Variants in MAVS observed in about 807,000 individuals in gnomAD.
MAVS encodes mitochondrial antiviral-signaling protein.
MAVS carries 20 observed loss-of-function variants against 30.2 expected under a neutral mutation model. The observed-to-expected ratio is 0.66, with a 90% CI of 0.47 to 0.96. MAVS has a LOEUF of 0.96. MAVS is among the 40% of genes least tolerant of loss of function. The pLI is 0.00. For missense variants in MAVS, 624 were observed against 701.1 expected (o/e 0.89, Z 1.24); for synonymous variants, 278 against 293.9 (o/e 0.95, Z 0.55).
intron 3 of MAVS, among the ~76,000 whole-genome samples, chr20:3,860,576 T>A (rs1402278031): frequency 2.0e-5 from 3 of 151,598 alleles, no homozygotes; most frequent in African/African-American, 7.3e-5. Flanking sequence ...GGTTTCTCCA[T>A]GTTGGTCAGG....
chr20:3,848,547 C>T (rs1015805917), intron 1 of MAVS, among the ~76,000 whole-genome samples: 4 of 152,214 alleles, frequency 2.6e-5, no homozygotes, highest in Admixed American at 2.6e-4. Context: ...GCTGGCAAAG[C>T]AACTCATGCA....
intron 3 of MAVS, among the ~76,000 whole-genome samples, chr20:3,860,675 T>G: frequency 6.6e-6 from 1 of 150,428 alleles, no homozygotes. Flanking sequence ...ACGTCTGGCT[T>G]CTTTTTCTTT....
rs2089921613 is a variant in MAVS, at chr20:3,867,942, G to A, written c.*1795G>A. ...GCACAGGAGCCACCTCCATTTCTGA[G>A]CTCTGCAAGGGACAAGAACTAGAGC... On this transcript the variant is annotated 3_prime_UTR_variant, in exon 7 of 7. Transcript: ENST00000428216. 1 of 152,312 alleles carries A rather than the reference G, an allele frequency of 6.6e-6. No individual in the cohort carries two copies. Among genetic ancestry groups the A allele is most frequent in the Non-Finnish European group, 1.5e-5 (1 of 68,096 alleles). 9.4% of individuals were successfully genotyped at this position (152,312 alleles called of 1,614,324 possible). A position where few individuals can be genotyped will look rare whatever the true frequency, so the allele number is the denominator to read the frequency against.
intron 1 of MAVS, among the ~76,000 whole-genome samples, chr20:3,849,151 G>C (rs573442822): frequency 9.3e-5 from 14 of 151,242 alleles, no homozygotes; most frequent in African/African-American, 3.4e-4. Context: ...CTACATGAGT[G>C]GCCCCTGCCA....
intron 3 of MAVS, among the ~76,000 whole-genome samples, chr20:3,859,068 G>A (rs1270987766): frequency 6.6e-6 from 1 of 152,050 alleles, no homozygotes; most frequent in Admixed American, 6.6e-5. Flanking sequence ...GGGATCATAG[G>A]TGTGAGCCAC....
rs143841592 is a variant in MAVS at position 3,869,178 on chromosome 20, CT to C, written c.*3043del. 951 of 143,280 alleles carry C rather than the reference CT, an allele frequency of 6.6e-3. 12 individuals are homozygous for C. The highest frequency in any genetic ancestry group is 0.026 in the East Asian group (130 of 4,906). 8.9% of individuals were successfully genotyped at this position (143,280 alleles called of 1,614,324 possible). ...TGCCTGGCTAATTAAATTTTTTTTT[CT>C]TTTTTTTTTTTGAGATGGAGTCTTG... On this transcript the variant is annotated 3_prime_UTR_variant, in exon 7 of 7. Coordinates refer to ENST00000428216, the MANE Select transcript of MAVS (RefSeq NM_020746.5).
chr20:3,847,020 CGGG>C (rs1744871673), intron 1 of MAVS, 117 bp downstream of exon 1: 1 of 152,448 alleles, frequency 6.6e-6, no homozygotes, highest in Non-Finnish European at 1.5e-5. Context: ...CTGGGGTGCG[CGGG>C]GGGCCCAGGA....
intron 1 of MAVS, among the ~76,000 whole-genome samples, chr20:3,851,503 CAAAAA>C (rs57620434): frequency 7.3e-5 from 7 of 95,614 alleles, no homozygotes; most frequent in East Asian, 2.9e-4. Flanking sequence ...GACTCTGTCT[CAAAAA>C]AAAAAAAAAA....
intron 5 of MAVS, among the ~76,000 whole-genome samples, chr20:3,863,094 G>A (rs1015228748): frequency 6.6e-6 from 1 of 152,202 alleles, no homozygotes; most frequent in African/African-American, 2.4e-5. Context: ...GGACAGTGAA[G>A]GGCTGCATCA....
chr20:3,858,259 AC>A, intron 3 of MAVS, among the ~76,000 whole-genome samples: 1 of 150,278 alleles, frequency 6.7e-6, no homozygotes, highest in East Asian at 2.0e-4. Context: ...CCCCTGGTTT[AC>A]CCTGAGAGCC....
chr20:3,854,855 T>A, intron 2 of MAVS, 114 bp downstream of exon 2: 1 of 616,744 alleles, frequency 1.6e-6, no homozygotes, highest in Non-Finnish European at 2.8e-6. Context: ...TCCTTCTTCC[T>A]CTTGCTGTGT....
At position 3,866,790 on chromosome 20, in the gene MAVS, A is replaced by G. The variant is rs1318986790; in HGVS notation, c.*643A>G. The G allele has an allele frequency of 2.4e-6, 1 of 418,552 alleles. No individual in the cohort carries two copies. Among genetic ancestry groups the G allele is most frequent in the Non-Finnish European group, 4.8e-6 (1 of 207,880 alleles). The allele number at this position is 418,552 out of a possible 1,614,324, so 25.9% of individuals were successfully genotyped here. A position where few individuals can be genotyped will look rare whatever the true frequency, so the allele number is the denominator to read the frequency against. ...CCAGGGGCAGCTGTCAGGCCTGAGG[A>G]AGACCTGTGGAGCTCCTCTCCAGCC... On this transcript the variant is annotated 3_prime_UTR_variant, in exon 7 of 7. Transcript: ENST00000428216.
At chr20:3,862,036 AC>A (rs1170200252) in intron 4 of MAVS, among the ~76,000 whole-genome samples, 1 of 152,176 alleles carries the variant, frequency 6.6e-6, no homozygotes, top group Non-Finnish European at 1.5e-5. Flanking sequence ...GGCGTGAGCC[AC>A]CGCACCTGGC....
At position 3,874,402 on chromosome 20, in the gene MAVS, G is replaced by A. The variant is rs983156753; in HGVS notation, c.*8255G>A. 3 of 395,256 alleles carry A rather than the reference G, an allele frequency of 7.6e-6. No individual in the cohort carries two copies. Among genetic ancestry groups the A allele is most frequent in the Non-Finnish European group, 1.3e-5 (3 of 224,450 alleles). The allele number at this position is 395,256 out of a possible 1,614,324, so 24.5% of individuals were successfully genotyped here. A position where few individuals can be genotyped will look rare whatever the true frequency, so the allele number is the denominator to read the frequency against. ...GGAAATAAAAACCACCTAAACAAGAGCAGAGAGGCCATTTGGTCAAAGTTT... is the reference window on the plus strand; with the variant it reads ...GGAAATAAAAACCACCTAAACAAGAACAGAGAGGCCATTTGGTCAAAGTTT... On this transcript the variant is annotated 3_prime_UTR_variant, in exon 7 of 7. Transcript: ENST00000428216.
chr20:3,853,066 C>G (rs1227063209), intron 1 of MAVS, among the ~76,000 whole-genome samples: 1 of 150,648 alleles, frequency 6.6e-6, no homozygotes, highest in Non-Finnish European at 1.5e-5. Flanking sequence ...GTATTGAACT[C>G]CTGACCTCGT....
At chr20:3,862,101 C>G (rs576521304) in intron 4 of MAVS, among the ~76,000 whole-genome samples, 153 bp from the exon 5 acceptor site, 1 of 152,262 alleles carries the variant, frequency 6.6e-6, no homozygotes, top group East Asian at 1.9e-4. Context: ...GACAGAGGGT[C>G]TGGGAATTAC....
At chr20:3,853,505 T>G (rs1189624337) in intron 1 of MAVS, among the ~76,000 whole-genome samples, 12 of 149,730 alleles carry the variant, frequency 8.0e-5, no homozygotes, top group African/African-American at 2.9e-4. Flanking sequence ...AAAAAGAAAT[T>G]AAAGGTGGCT....
Position 3,875,513 on chromosome 20 carries a change from C to T in MAVS, c.*9366C>T, listed in dbSNP as rs1208131675. ...AACCAGCCAAAACCACAACTTTTTA[C>T]TGAAGTGTAATGTAAATGCTGTAAA... On this transcript the variant is annotated 3_prime_UTR_variant, in exon 7 of 7. Coordinates refer to ENST00000428216, the MANE Select transcript of MAVS (RefSeq NM_020746.5). The T allele has an allele frequency of 6.7e-6, 1 of 148,610 alleles. No homozygotes were observed. The highest frequency in any genetic ancestry group is 2.5e-5 in the African/African-American group (1 of 40,136). 9.2% of individuals were successfully genotyped at this position (148,610 alleles called of 1,614,324 possible).
chr20:3,854,806 C>A (rs2089795464), intron 2 of MAVS, 65 bp downstream of exon 2: 20 of 1,183,312 alleles, frequency 1.7e-5, no homozygotes, highest in Non-Finnish European at 2.3e-5. Context: ...CAAAGCTCAG[C>A]CCCATCCTAG....
Sources: allele counts gnomAD v4.1 joint callset (sites outside exome capture counted in the v4.1 genomes callset), GRCh38; gene constraint gnomAD v4.1.1; transcripts MANE v1.5; gene names NCBI Gene and HGNC (gene_info 2026-07-23, HGNC 2026-07-21).